Variants in ADAMTSL5 observed in about 807,000 individuals in gnomAD.
ADAMTSL5 encodes the protein ADAMTS-like protein 5.
In ADAMTSL5, 53 loss-of-function variants were observed where a neutral mutation model predicts 51.7. That is an observed-to-expected ratio of 1.03 (90% CI 0.82 to 1.29). The LOEUF is 1.29. Among genes scored for constraint, ADAMTSL5 ranks in the 50% most tolerant of loss-of-function variants. The probability of loss-of-function intolerance (pLI) is 0.00; values close to 1 mark genes in which losing one functional copy is unlikely to be tolerated. For missense variants in ADAMTSL5, 770 were observed against 676.2 expected (o/e 1.14, Z -1.54); for synonymous variants, 285 against 278.7 (o/e 1.02, Z -0.23).
chr19:1,510,289 G>A (rs772264053), intron 4 of ADAMTSL5, 31 bp from the exon 5 acceptor site: 2 of 1,612,948 alleles, frequency 1.2e-6, no homozygotes, highest in South Asian at 1.1e-5. Flanking sequence ...GCCAGAGGCT[G>A]GGACAACCCC....
chr19:1,507,276 G>A lies in ADAMTSL5; in HGVS notation c.818C>T (p.Ala273Val), dbSNP rs779490241. 3 of 1,562,440 alleles carry A rather than the reference G, an allele frequency of 1.9e-6. No individual in the cohort carries two copies. Among genetic ancestry groups the A allele is most frequent in the Non-Finnish European group, 1.7e-6 (2 of 1,154,814 alleles). The stretch of plus-strand genomic sequence containing the variant: ...CAGGTCATGGGAGGTGGGCCCGGCT[G>A]CTTGCAATGTCTCCTGGGGCCCTGT... ...RDTGPQETLQ[A>V]AGPTSHDLLL... Residue 273 changes from alanine (A) to valine (V), a missense_variant, in exon 9 of 12, where the codon GCA becomes GTA. Transcript: ENST00000330475.
Position 1,510,749 on chromosome 19 carries a change from G to T in ADAMTSL5, c.100-19C>A, listed in dbSNP as rs878923329. 1.3e-6 allele frequency: 2 copies of T among 1,527,092 alleles called. No individual in the cohort carries two copies. The highest frequency in any genetic ancestry group is 2.4e-5 in the South Asian group (2 of 82,386). The allele number at this position is 1,527,092 out of a possible 1,614,324, so 94.6% of individuals were successfully genotyped here. ...CCGGACCCTACTTGGGGAGACAGAG[G>T]CACGGTCAGCCTTGTAGGGGGACGC... On this transcript the variant is annotated intron_variant, in intron 2 of 11. Transcript: ENST00000330475.
In ADAMTSL5 at chr19:1,510,691, AG is replaced by A. The variant is rs747669965; in HGVS notation, c.138del (p.Cys47AlafsTer163). On this transcript the variant is annotated frameshift_variant, in exon 3 of 12. Coordinates refer to ENST00000330475, the MANE Select transcript of ADAMTSL5 (RefSeq NM_213604.3). LOFTEE classifies it high-confidence loss of function. ...ACGCCACGCCCGCAGGAGCTGGAGC[AG>A]CGGGTCCAGGACACCCACGGGGTCC... is the stretch of plus-strand genomic sequence containing the variant. Reference protein sequence around the residue: ...GEWTPWVSWTRCSSSCGRGVS... With the variant: ...GEWTPWVSWTXCSSSCGRGVS... 12 of 1,543,228 alleles carry A rather than the reference AG, an allele frequency of 7.8e-6. No homozygotes were observed. The South Asian group carries it at 1.4e-4, about 18-fold the overall frequency.
In ADAMTSL5 at chr19:1,510,248, G is replaced by A. The variant is rs1370189611; in HGVS notation, c.263C>T (p.Pro88Leu). The A allele has an allele frequency of 3.7e-6, 6 of 1,613,080 alleles. No homozygotes were observed. Among genetic ancestry groups the A allele is most frequent in the Non-Finnish European group, 4.2e-6 (5 of 1,179,788 alleles). Residue 88 changes from proline to leucine, a missense_variant, in exon 5 of 12, where the codon CCA becomes CTA. Coordinates refer to ENST00000330475, the MANE Select transcript of ADAMTSL5 (RefSeq NM_213604.3). ...TAGGTCTCGGAAGGGCACAGCCCCT[G>A]GGGGGCAGTCCTAGGGACAGAGATA... ...YRLCQLPDCP[P>L]GAVPFRDLQC...
intron 5 of ADAMTSL5, 89 bp from the exon 6 acceptor site, chr19:1,508,659 G>A: frequency 7.0e-7 from 1 of 1,423,464 alleles, no homozygotes; most frequent in Non-Finnish European, 9.2e-7. Flanking sequence ...CATCACTTTG[G>A]GCAGATGAAG....
In ADAMTSL5 at chr19:1,506,023, G is replaced by A; in HGVS notation, c.1408C>T (p.Pro470Ser). ...SRIRLTARRC[P>S]G ...GGGGCTCCTGCAGGGGCTCAGCCAGGACAGCGCCGGGCAGTCAGGCGTATG... is the reference window on the plus strand; with the variant it reads ...GGGGCTCCTGCAGGGGCTCAGCCAGAACAGCGCCGGGCAGTCAGGCGTATG... Residue 470 changes from proline (P) to serine (S), a missense_variant, in exon 12 of 12, where the codon CCT becomes TCT. Coordinates refer to ENST00000330475, the MANE Select transcript of ADAMTSL5 (RefSeq NM_213604.3). The surrounding 1 kb of genome is among the most constrained non-coding windows in gnomAD (Gnocchi z 5.6). 1 of 1,567,736 alleles carries A rather than the reference G, an allele frequency of 6.4e-7. No homozygotes were observed. The highest frequency in any genetic ancestry group is 2.1e-4 in the Middle Eastern group (1 of 4,804).
intron 8 of ADAMTSL5, 40 bp from the exon 9 acceptor site, chr19:1,507,445 G>A (rs935547468): frequency 6.3e-6 from 10 of 1,598,536 alleles, no homozygotes; most frequent in African/African-American, 4.0e-5. Context: ...CTGTCGTCTC[G>A]TCTCCCAGAC....
chr19:1,506,745 C>T lies in ADAMTSL5; in HGVS notation c.1036G>A (p.Ala346Thr), dbSNP rs562374866. 6.4e-7 allele frequency: 1 copy of T among 1,555,500 alleles called. No homozygotes were observed. Among genetic ancestry groups the T allele is most frequent in the Non-Finnish European group, 8.7e-7 (1 of 1,149,406 alleles). Residue 346 changes from alanine (A) to threonine (T), a missense_variant, in exon 10 of 12, where the codon GCC becomes ACC. By Grantham distance (58) the Ala-to-Thr change is moderately conservative. Transcript: ENST00000330475. This position sits in a 1 kb window ranked among gnomAD's most constrained non-coding sequence, Gnocchi z 5.6. ...AVTPAQTPTLAPDPCPPCPDT... is the reference protein window; with the variant it reads ...AVTPAQTPTLTPDPCPPCPDT... ...CTGGCTGTCCCCACCTCACCTGGGG[C>T]CAGCGTTGGGGTCTGTGCAGGGGTG...
At position 1,507,395 on chromosome 19, in the gene ADAMTSL5, C is replaced by A. The variant is rs1913000065; in HGVS notation, c.699G>T (p.Gly233=). The A allele has an allele frequency of 3.8e-6, 6 of 1,575,644 alleles. No individual in the cohort carries two copies. The highest frequency in any genetic ancestry group is 5.2e-6 in the Non-Finnish European group (6 of 1,159,986). ...HRSRNHLALM[G]GDGRYVLNGH... ...CATTAAGCACGTAGCGCCCATCGCC[C>A]CCCATCAGTGCTGCAAGGGAACAGT... Residue 233 remains glycine (G), a synonymous_variant, in exon 9 of 12, where the codon GGG becomes GGT. Coordinates refer to ENST00000330475, the MANE Select transcript of ADAMTSL5 (RefSeq NM_213604.3).
chr19:1,507,766 T>C (rs1913025802), intron 7 of ADAMTSL5, 123 bp from the exon 8 acceptor site: 16 of 1,090,954 alleles, frequency 1.5e-5, no homozygotes, highest in Non-Finnish European at 1.9e-5. Context: ...CGGAAAACCC[T>C]CCGTAAACGT....
intron 5 of ADAMTSL5, among the ~76,000 whole-genome samples, chr19:1,509,811 C>T (rs912870869): frequency 1.3e-5 from 2 of 152,102 alleles, no homozygotes; most frequent in South Asian, 2.1e-4. Flanking sequence ...AATCTGGAGG[C>T]GCACTGACCC....
rs1194311386 is a variant in ADAMTSL5, at chr19:1,506,282, CTGG to C, written c.1146_1148del (p.His382del). 5.8e-6 allele frequency: 9 copies of C among 1,552,470 alleles called. No homozygotes were observed. Among genetic ancestry groups the C allele is most frequent in the Non-Finnish European group, 7.8e-6 (9 of 1,146,696 alleles). Reference sequence around the variant, plus strand: ...GCACCTCATAGCGGGTCTCCTGGGCCTGGTGGTGGTGGCCCAGCACTCGGGCCT... The same window carrying C: ...GCACCTCATAGCGGGTCTCCTGGGCCTGGTGGTGGCCCAGCACTCGGGCCT... On this transcript the variant is annotated inframe_deletion, in exon 12 of 12. Coordinates refer to ENST00000330475, the MANE Select transcript of ADAMTSL5 (RefSeq NM_213604.3). The surrounding 1 kb of genome is among the most constrained non-coding windows in gnomAD (Gnocchi z 5.6).
rs770600102 is a variant in ADAMTSL5 at position 1,508,071 on chromosome 19, G to C, written c.528C>G (p.Leu176=). Residue 176 remains leucine (L), a synonymous_variant, in exon 7 of 12, where the codon CTC becomes CTG. Coordinates refer to ENST00000330475, the MANE Select transcript of ADAMTSL5 (RefSeq NM_213604.3). ...CTCCGCAGCGGCCACAGCGGTCCTC[G>C]AGGGCACCCGAGCCCAACAACCCAT... is the stretch of plus-strand genomic sequence containing the variant. The part of the protein sequence containing the change: ...GCDGLLGSGA[L]EDRCGRCGGA... The C allele has an allele frequency of 6.2e-7, 1 of 1,610,402 alleles. No homozygotes were observed. The highest frequency in any genetic ancestry group is 8.5e-7 in the Non-Finnish European group (1 of 1,179,108).
chr19:1,508,285 A>C, intron 6 of ADAMTSL5, 158 bp downstream of exon 6: 1 of 548,900 alleles, frequency 1.8e-6, no homozygotes, highest in Non-Finnish European at 2.1e-6. Flanking sequence ...TGGGTGCCTA[A>C]GGGGGGCTGG....
chr19:1,509,720 G>A (rs536261813), intron 5 of ADAMTSL5, among the ~76,000 whole-genome samples: 3 of 151,894 alleles, frequency 2.0e-5, no homozygotes, highest in South Asian at 2.1e-4. Flanking sequence ...GAGGTTGATG[G>A]ATGGCACTTT....
Position 1,510,962 on chromosome 19 carries a change from A to G in ADAMTSL5, c.-19T>C. 7.1e-7 allele frequency: 1 copy of G among 1,407,698 alleles called. No individual in the cohort carries two copies. The highest frequency in any genetic ancestry group is 9.3e-7 in the Non-Finnish European group (1 of 1,080,484). 87.2% of individuals were successfully genotyped at this position (1,407,698 alleles called of 1,614,324 possible). ...AGTCCATAGAGCCACCGCCAGAGAC[A>G]CAGGGTTGTGTCCCGGCTCTGCCCT... On this transcript the variant is annotated 5_prime_UTR_variant, in exon 2 of 12. Transcript: ENST00000330475.
chr19:1,507,159 C>T lies in ADAMTSL5; in HGVS notation c.852+83G>A. ...AGACTCCCCCTTCTGGCCCCAGTCA[C>T]CTCCACTCCTACCCTCTGTCCCCAG... On this transcript the variant is annotated intron_variant, in intron 9 of 11. Coordinates refer to ENST00000330475, the MANE Select transcript of ADAMTSL5 (RefSeq NM_213604.3). The T allele has an allele frequency of 2.7e-6, 4 of 1,495,582 alleles. No homozygotes were observed. In the South Asian group the frequency reaches 4.1e-5, roughly 15 times the overall value. 92.6% of individuals were successfully genotyped at this position (1,495,582 alleles called of 1,614,324 possible). A position where few individuals can be genotyped will look rare whatever the true frequency, so the allele number is the denominator to read the frequency against.
intron 6 of ADAMTSL5, 113 bp from the exon 7 acceptor site, chr19:1,508,222 G>C (rs910582294): frequency 7.7e-7 from 1 of 1,299,020 alleles, no homozygotes; most frequent in Non-Finnish European, 1.1e-6. Flanking sequence ...TGGGGGTGGA[G>C]CCTAGGGAGG....
chr19:1,512,439 G>C (rs1029898727), intron 1 of ADAMTSL5, among the ~76,000 whole-genome samples: 7 of 152,124 alleles, frequency 4.6e-5, no homozygotes, highest in African/African-American at 1.7e-4. Context: ...CCAGCACTTT[G>C]GGAGGCCAAG....
Sources: gnomAD v4.1 joint callset for allele counts (sites outside exome capture counted in the v4.1 genomes callset) on GRCh38, gnomAD v4.1.1 for gene constraint, Gnocchi (gnomAD v3.1) non-coding constraint, MANE v1.5 for transcripts, NCBI Gene and HGNC (gene_info 2026-07-23, HGNC 2026-07-21) for gene names.